The following DIS3L2 variants were observed in gnomAD, a reference collection of about 807,000 sequenced individuals.
DIS3L2 encodes the protein DIS3-like exonuclease 2.
A neutral mutation model predicts 97.5 loss-of-function variants in DIS3L2; 34 were observed. The observed-to-expected ratio is 0.35, with a 90% CI of 0.27 to 0.46. The LOEUF (loss-of-function observed/expected upper bound fraction) is 0.46, where lower values mean the gene tolerates loss of function less well. Ranked by LOEUF, DIS3L2 falls within the 20% of genes least tolerant of loss-of-function variation. The pLI is 1.00. For synonymous variants in DIS3L2, 435 were observed against 445.2 expected (o/e 0.98, Z 0.29); for missense variants, 1,038 against 1,146.0 (o/e 0.91, Z 1.36).
chr2:231,991,743 T>C (rs531782734), intron 1 of DIS3L2, among the ~76,000 whole-genome samples: 5 of 152,332 alleles, frequency 3.3e-5, no homozygotes, highest in African/African-American at 9.6e-5. Context: ...TTATTAGGTG[T>C]GTACCCTGTG....
chr2:232,025,073 A>C (rs1486355119), intron 4 of DIS3L2, among the ~76,000 whole-genome samples: 2 of 152,178 alleles, frequency 1.3e-5, no homozygotes, highest in Non-Finnish European at 2.9e-5. Flanking sequence ...TAGATGACGA[A>C]ATGGGATACA....
At chr2:232,333,712 A>G in intron 16 of DIS3L2, 128 bp from the exon 17 acceptor site, 1 of 1,373,736 alleles carries the variant, frequency 7.3e-7, no homozygotes, top group Non-Finnish European at 9.6e-7. Flanking sequence ...GGCGTCACTC[A>G]GCAACCAGCA....
intron 9 of DIS3L2, among the ~76,000 whole-genome samples, chr2:232,174,585 C>CAAAA (rs60698530): frequency 6.0e-5 from 5 of 83,972 alleles, no homozygotes; most frequent in African/African-American, 9.2e-5. Flanking sequence ...GACTCCACCT[C>CAAAA]AAAAAAAAAA....
chr2:232,252,947 T>TA (rs371276986), intron 12 of DIS3L2, among the ~76,000 whole-genome samples: 1 of 151,974 alleles, frequency 6.6e-6, no homozygotes, highest in Non-Finnish European at 1.5e-5. Flanking sequence ...TGAAAAAAAA[T>TA]AAAAAACAGA....
At chr2:232,136,905 C>T (rs1698375096) in intron 8 of DIS3L2, among the ~76,000 whole-genome samples, 186 bp downstream of exon 8, 1 of 152,210 alleles carries the variant, frequency 6.6e-6, no homozygotes, top group African/African-American at 2.4e-5. Context: ...CTGTATGTTC[C>T]TTGAATTACC....
At chr2:232,004,644 G>GT (rs1309047736) in intron 1 of DIS3L2, among the ~76,000 whole-genome samples, 1 of 150,894 alleles carries the variant, frequency 6.6e-6, no homozygotes, top group African/African-American at 2.4e-5. Flanking sequence ...GCAGTGGCGT[G>GT]TTCTTGGCTC....
intron 5 of DIS3L2, among the ~76,000 whole-genome samples, chr2:232,060,093 G>C (rs13024272): frequency 5.3e-5 from 8 of 152,004 alleles, no homozygotes; most frequent in Non-Finnish European, 8.8e-5. Flanking sequence ...ATCTGTAAAG[G>C]GATATCTGCG....
Position 232,325,224 on chromosome 2 carries a change from A to G in DIS3L2, c.1740-4589A>G, listed in dbSNP as rs542599517. 9.9e-4 allele frequency among the ~76,000 whole-genome samples: 151 copies of G among 152,344 alleles called. 1 individual carries two copies. The highest frequency in any genetic ancestry group is 3.4e-3 in the African/African-American group (142 of 41,574). On this transcript the variant is annotated intron_variant, in intron 14 of 20. Coordinates refer to ENST00000325385, the MANE Select transcript of DIS3L2 (RefSeq NM_152383.5). This position sits in a 1 kb window ranked among gnomAD's most constrained non-coding sequence, Gnocchi z 4.6. The stretch of plus-strand genomic sequence containing the variant: ...CTGAGCCAGCAGGAATGCGGCACCC[A>G]GTGGCTGGCTCTGCAGTCTTGATGC...
At chr2:231,987,083 A>G (rs6722553) in intron 1 of DIS3L2, among the ~76,000 whole-genome samples, 17,101 of 152,160 alleles carry the variant, frequency 0.11, 1,192 homozygotes, top group African/African-American at 0.19. Context: ...TTAGAAATAG[A>G]GTTTATAGGA....
At chr2:232,343,491 C>G (rs1285665680) in exon 14 of DIS3L2, 6 of 1,556,384 alleles carry the variant, frequency 3.9e-6, no homozygotes, top group Admixed American at 1.9e-5. Flanking sequence ...GACTGTTTTT[C>G]CTTCAGCAAC....
intron 1 of DIS3L2, among the ~76,000 whole-genome samples, chr2:231,980,658 A>C (rs571799651): frequency 6.6e-6 from 1 of 152,078 alleles, no homozygotes; most frequent in Non-Finnish European, 1.5e-5. Context: ...AAATTGTGCC[A>C]TTGCACTCCA....
rs1156473492 is a variant in DIS3L2 at position 232,021,863 on chromosome 2, A to G, written c.211-2414A>G. 2.6e-5 allele frequency among the ~76,000 whole-genome samples: 4 copies of G among 152,272 alleles called. No individual in the cohort carries two copies. In the South Asian group the frequency reaches 8.3e-4, roughly 32 times the overall value. The stretch of plus-strand genomic sequence containing the variant: ...GATAAAATAGACTCCCTCTGAGAGC[A>G]CTCGAGAGAAGCAATCACTTCAGGG... On this transcript the variant is annotated intron_variant, in intron 3 of 20. Coordinates refer to ENST00000325385, the MANE Select transcript of DIS3L2 (RefSeq NM_152383.5).
intron 16 of DIS3L2, among the ~76,000 whole-genome samples, chr2:232,332,171 C>T (rs976027087): frequency 2.9e-5 from 4 of 139,402 alleles, no homozygotes; most frequent in South Asian, 5.3e-4. Flanking sequence ...CCTTCATCAA[C>T]CTCACCCAGG....
chr2:232,245,503 C>A (rs566371216), intron 11 of DIS3L2, among the ~76,000 whole-genome samples: 2 of 152,220 alleles, frequency 1.3e-5, no homozygotes. Context: ...TGATTGTAAC[C>A]TCTTAATTCC....
intron 9 of DIS3L2, among the ~76,000 whole-genome samples, chr2:232,184,382 C>T (rs957985020): frequency 5.9e-5 from 9 of 152,188 alleles, no homozygotes; most frequent in Admixed American, 2.6e-4. Context: ...GTGCGTGGCT[C>T]ATACCTGTAA....
At chr2:232,128,248 G>C (rs371053484) in intron 6 of DIS3L2, among the ~76,000 whole-genome samples, 1 of 151,872 alleles carries the variant, frequency 6.6e-6, no homozygotes, top group South Asian at 2.1e-4. Flanking sequence ...GAGCCAACAT[G>C]CCCACCCTAT....
At chr2:232,324,360 T>C (rs59096890) in intron 14 of DIS3L2, among the ~76,000 whole-genome samples, 27,955 of 152,024 alleles carry the variant, frequency 0.18, 2,910 homozygotes, top group African/African-American at 0.28. Context: ...GCTCTGTGAG[T>C]GGCCTCATTC....
intron 6 of DIS3L2, among the ~76,000 whole-genome samples, chr2:232,117,371 ACTTGT>A (rs1697757884): frequency 6.6e-6 from 1 of 152,228 alleles, no homozygotes; most frequent in Non-Finnish European, 1.5e-5. Context: ...CATAATAAAT[ACTTGT>A]CTTGGTTACT....
At chr2:232,156,487 A>T (rs1449795286) in intron 8 of DIS3L2, among the ~76,000 whole-genome samples, 6 of 150,464 alleles carry the variant, frequency 4.0e-5, no homozygotes, top group South Asian at 2.1e-4. Flanking sequence ...TTTCCTTTTA[A>T]ATGTGGGTTT....
Sources: allele counts gnomAD v4.1 joint callset (sites outside exome capture counted in the v4.1 genomes callset), GRCh38; gene constraint gnomAD v4.1.1; non-coding constraint Gnocchi (gnomAD v3.1); transcripts MANE v1.5; gene names NCBI Gene and HGNC (gene_info 2026-07-23, HGNC 2026-07-21).